KCNQ5: variants seen among roughly 807,000 people sequenced by gnomAD.
KCNQ5 encodes potassium voltage-gated channel subfamily KQT member 5.
A neutral mutation model predicts 98.2 loss-of-function variants in KCNQ5; 30 were observed. That is an observed-to-expected ratio of 0.31 (90% CI 0.23 to 0.41). The LOEUF (loss-of-function observed/expected upper bound fraction) is 0.41, where lower values mean the gene tolerates loss of function less well. Ranked by LOEUF, KCNQ5 falls within the 10% of genes least tolerant of loss-of-function variation. The pLI is 1.00. For missense variants in KCNQ5, 835 were observed against 1,182.5 expected, an observed-to-expected ratio of 0.71 and a Z score of 4.31; for synonymous variants, 458 against 449.4, an observed-to-expected ratio of 1.02 and a Z score of -0.24.
rs564054631 is a variant in KCNQ5 at position 72,829,996 on chromosome 6, G to T, written c.399-173912G>T. 2.6e-5 allele frequency among the ~76,000 whole-genome samples: 4 copies of T among 152,164 alleles called. No individual in the cohort carries two copies. The South Asian group carries it at 8.3e-4, about 32-fold the overall frequency. On this transcript the variant is annotated intron_variant, in intron 1 of 13. Transcript: ENST00000370398. ...TTCCCATTCACAATTGCTTCAAAGA[G>T]AATAAAATACCTAGGAATCCAACAT...
intron 1 of KCNQ5, among the ~76,000 whole-genome samples, chr6:72,994,549 G>A (rs1769193381): frequency 6.9e-6 from 1 of 145,776 alleles, no homozygotes; most frequent in Admixed American, 6.9e-5. Flanking sequence ...ACTGGCCTGC[G>A]CCCACTGTCT....
intron 1 of KCNQ5, among the ~76,000 whole-genome samples, chr6:72,744,204 A>C (rs370123954): frequency 6.6e-6 from 1 of 152,188 alleles, no homozygotes; most frequent in East Asian, 1.9e-4. Context: ...GTGAGCCTAG[A>C]GGGAGAGGGG....
intron 10 of KCNQ5, among the ~76,000 whole-genome samples, chr6:73,168,009 A>T (rs1191617921): frequency 6.6e-6 from 1 of 152,190 alleles, no homozygotes; most frequent in Non-Finnish European, 1.5e-5. Context: ...TATTATCATT[A>T]TTGTGAGGTA....
intron 7 of KCNQ5, among the ~76,000 whole-genome samples, chr6:73,117,522 T>G (rs1414667687): frequency 1.3e-5 from 2 of 152,258 alleles, no homozygotes; most frequent in Non-Finnish European, 2.9e-5. Context: ...TGGCCTCTTT[T>G]GCCCCCAGTT....
intron 11 of KCNQ5, among the ~76,000 whole-genome samples, chr6:73,184,495 A>G (rs1778501226): frequency 6.6e-6 from 1 of 152,220 alleles, no homozygotes; most frequent in South Asian, 2.1e-4. Context: ...CAGAACACAA[A>G]CATCTTTGAA....
intron 3 of KCNQ5, among the ~76,000 whole-genome samples, chr6:73,068,656 T>C (rs1773171383): frequency 6.6e-6 from 1 of 152,212 alleles, no homozygotes; most frequent in Non-Finnish European, 1.5e-5. Context: ...GAGCCAGGAT[T>C]GGAACTGAGG....
intron 1 of KCNQ5, among the ~76,000 whole-genome samples, chr6:72,970,519 A>C (rs1285623784): frequency 2.0e-5 from 3 of 152,206 alleles, no homozygotes; most frequent in African/African-American, 7.2e-5. Context: ...GCTAATTACC[A>C]GTTGAGAAGA....
At chr6:72,997,116 T>C (rs1769339937) in intron 1 of KCNQ5, among the ~76,000 whole-genome samples, 1 of 152,168 alleles carries the variant, frequency 6.6e-6, no homozygotes, top group Admixed American at 6.5e-5. Context: ...TCCTGGATGC[T>C]GGAGGGGTTT....
chr6:72,819,144 A>T (rs1340298921), intron 1 of KCNQ5, among the ~76,000 whole-genome samples: 1 of 151,840 alleles, frequency 6.6e-6, no homozygotes, highest in South Asian at 2.1e-4. Flanking sequence ...TATTTATTTT[A>T]ATTTTTTAAT....
chr6:72,914,796 G>A (rs1040777083), intron 1 of KCNQ5, among the ~76,000 whole-genome samples: 26 of 151,630 alleles, frequency 1.7e-4, no homozygotes, highest in African/African-American at 5.1e-4. Context: ...GCCATTGGCT[G>A]GATCCTTACA....
intron 13 of KCNQ5, 64 bp downstream of exon 13, chr6:73,192,755 G>T: frequency 7.7e-7 from 1 of 1,296,154 alleles, no homozygotes; most frequent in Non-Finnish European, 1.0e-6. Flanking sequence ...TTTATTATAG[G>T]CAATTGTATG....
intron 10 of KCNQ5, among the ~76,000 whole-genome samples, chr6:73,154,204 A>G (rs1777265085): frequency 1.3e-5 from 2 of 152,070 alleles, no homozygotes; most frequent in South Asian, 4.1e-4. Context: ...ATTATCTTTT[A>G]TTTCTATGGG....
At chr6:72,853,535 G>A (rs1450376100) in intron 1 of KCNQ5, among the ~76,000 whole-genome samples, 1 of 152,066 alleles carries the variant, frequency 6.6e-6, no homozygotes. Flanking sequence ...TTAGAGACAG[G>A]ATTTCGCCAT....
At chr6:72,802,281 G>T (rs1774701570) in intron 1 of KCNQ5, among the ~76,000 whole-genome samples, 1 of 151,954 alleles carries the variant, frequency 6.6e-6, no homozygotes, top group Non-Finnish European at 1.5e-5. Context: ...ACGTAGATTT[G>T]GTCTTTTCAC....
intron 10 of KCNQ5, among the ~76,000 whole-genome samples, chr6:73,149,122 A>G (rs1365899606): frequency 6.6e-6 from 1 of 152,180 alleles, no homozygotes; most frequent in East Asian, 1.9e-4. Flanking sequence ...CATGAAATCA[A>G]ATGAATGGGT....
intron 2 of KCNQ5, among the ~76,000 whole-genome samples, chr6:73,010,472 T>C (rs974556558): frequency 6.6e-6 from 1 of 152,010 alleles, no homozygotes; most frequent in African/African-American, 2.4e-5. Flanking sequence ...GATGTCTGTG[T>C]TTGCCATCCC....
intron 1 of KCNQ5, among the ~76,000 whole-genome samples, chr6:72,970,974 G>C (rs1767862035): frequency 2.0e-5 from 3 of 152,274 alleles, no homozygotes; most frequent in Admixed American, 6.5e-5. Context: ...AAAAGCAATG[G>C]CAACAAAAAC....
At chr6:72,907,354 T>A (rs1180861429) in intron 1 of KCNQ5, among the ~76,000 whole-genome samples, 1 of 152,218 alleles carries the variant, frequency 6.6e-6, no homozygotes, top group Non-Finnish European at 1.5e-5. Flanking sequence ...ATCTTCAAAT[T>A]GATTTTCTAT....
chr6:73,115,610 A>G (rs1273604620), intron 7 of KCNQ5, among the ~76,000 whole-genome samples: 1 of 152,208 alleles, frequency 6.6e-6, no homozygotes, highest in African/African-American at 2.4e-5. Context: ...ATTAGAAGAC[A>G]ATGAAACAAT....
Sources: gnomAD v4.1 joint callset for allele counts (sites outside exome capture counted in the v4.1 genomes callset) on GRCh38, gnomAD v4.1.1 for gene constraint, MANE v1.5 for transcripts, NCBI Gene and HGNC (gene_info 2026-07-23, HGNC 2026-07-21) for gene names.